PARN: variants seen among roughly 807,000 people sequenced by gnomAD.
PARN encodes the protein poly(A)-specific ribonuclease, also known as poly(A)-specific ribonuclease PARN.
Under a neutral mutation model 102.8 loss-of-function variants are expected in PARN, and 71 were observed. The observed-to-expected ratio is 0.69, with a 90% CI of 0.57 to 0.84. PARN has a LOEUF of 0.84. Ranked by LOEUF, PARN falls within the 40% of genes least tolerant of loss-of-function variation. The probability of loss-of-function intolerance (pLI) is 0.00; values close to 1 mark genes in which losing one functional copy is unlikely to be tolerated. For synonymous variants in PARN, 261 were observed against 252.9 expected (o/e 1.03, Z -0.30); for missense variants, 782 against 760.9 (o/e 1.03, Z -0.33).
chr16:14,591,504 A>G (rs1219073911), intron 13 of PARN, among the ~76,000 whole-genome samples: 1 of 152,214 alleles, frequency 6.6e-6, no homozygotes, highest in Non-Finnish European at 1.5e-5. Flanking sequence ...TTTTATTGCA[A>G]CACGGCTATG....
At chr16:14,551,735 T>C (rs1432765343) in intron 21 of PARN, among the ~76,000 whole-genome samples, 1 of 152,116 alleles carries the variant, frequency 6.6e-6, no homozygotes, top group Admixed American at 6.5e-5. Context: ...TCAAAGTAAA[T>C]CTGCAACTCA....
At chr16:14,589,181 A>AAAAT (rs55852219) in intron 13 of PARN, among the ~76,000 whole-genome samples, 24,392 of 149,644 alleles carry the variant, frequency 0.16, 2,562 homozygotes, top group Middle Eastern at 0.3. Flanking sequence ...CTCTGTCTCA[A>AAAAT]AAATAAATAA....
At chr16:14,621,928 C>CGG (rs901633734) in intron 5 of PARN, among the ~76,000 whole-genome samples, 5 of 152,112 alleles carry the variant, frequency 3.3e-5, no homozygotes, top group Non-Finnish European at 5.9e-5. Flanking sequence ...AGCAGTGTCT[C>CGG]ACGCCTGTAA....
chr16:14,583,732 C>T (rs1387089331), intron 16 of PARN, among the ~76,000 whole-genome samples: 5 of 152,144 alleles, frequency 3.3e-5, no homozygotes, highest in African/African-American at 4.8e-5. Context: ...ACTAATGGCT[C>T]GCTAATCACC....
chr16:14,609,381 T>C (rs921874940), intron 7 of PARN, among the ~76,000 whole-genome samples: 3 of 151,828 alleles, frequency 2.0e-5, no homozygotes, highest in African/African-American at 7.3e-5. Flanking sequence ...GCCTGGGCAA[T>C]ATACTGAGAG....
At chr16:14,624,554 T>A (rs1972521909) in intron 5 of PARN, among the ~76,000 whole-genome samples, 1 of 152,244 alleles carries the variant, frequency 6.6e-6, no homozygotes, top group African/African-American at 2.4e-5. Context: ...GTTTGTACAA[T>A]GGGTGAAGTT....
chr16:14,528,471 T>C (rs532281687), intron 21 of PARN, among the ~76,000 whole-genome samples: 1 of 152,328 alleles, frequency 6.6e-6, no homozygotes, highest in East Asian at 1.9e-4. Context: ...AACATGGCCC[T>C]ACCTGAGGGA....
intron 6 of PARN, among the ~76,000 whole-genome samples, chr16:14,614,020 G>C (rs1468339832): frequency 6.6e-6 from 1 of 152,148 alleles, no homozygotes; most frequent in East Asian, 1.9e-4. Flanking sequence ...TAATCCCAGA[G>C]CTTTAGGGGG....
chr16:14,489,360 G>A (rs577007587), intron 21 of PARN, among the ~76,000 whole-genome samples: 3 of 148,790 alleles, frequency 2.0e-5, no homozygotes, highest in South Asian at 2.1e-4. Flanking sequence ...CAGGAGAATC[G>A]CTTGAACATG....
chr16:14,544,860 G>A (rs959190286), intron 21 of PARN, among the ~76,000 whole-genome samples: 1 of 152,100 alleles, frequency 6.6e-6, no homozygotes, highest in Non-Finnish European at 1.5e-5. Flanking sequence ...CTCAAAAACT[G>A]ATATAACAAC....
chr16:14,478,002 T>A (rs1254305038), intron 22 of PARN, among the ~76,000 whole-genome samples: 3 of 152,022 alleles, frequency 2.0e-5, no homozygotes, highest in Admixed American at 1.3e-4. Flanking sequence ...CATTCAAGTA[T>A]CAATTAGTAT....
At position 14,534,260 on chromosome 16, in the gene PARN, A is replaced by G. The variant is rs200716928; in HGVS notation, c.1480+17761T>C. Among the ~76,000 whole-genome samples the G allele has an allele frequency of 5.3e-5, 8 of 151,860 alleles. No homozygotes were observed. In the East Asian group the frequency reaches 1.5e-3, roughly 29 times the overall value. The stretch of plus-strand genomic sequence containing the variant: ...AAAAAGGCAATACTTAAAGAATAAT[A>G]CTGCAGGTTTCAAATGAAAGCCATT... On this transcript the variant is annotated intron_variant, in intron 21 of 23. Coordinates refer to ENST00000437198, the MANE Select transcript of PARN (RefSeq NM_002582.4).
At chr16:14,618,125 C>T (rs1048825296) in intron 5 of PARN, among the ~76,000 whole-genome samples, 7 of 151,966 alleles carry the variant, frequency 4.6e-5, no homozygotes, top group Admixed American at 2.0e-4. Flanking sequence ...AGTTCGAGAC[C>T]GGCAGGTCAG....
At chr16:14,523,763 T>G (rs1287408279) in intron 21 of PARN, among the ~76,000 whole-genome samples, 1 of 152,130 alleles carries the variant, frequency 6.6e-6, no homozygotes, top group Non-Finnish European at 1.5e-5. Context: ...ATTAGGGACA[T>G]AAAGGGCTCA....
intron 18 of PARN, among the ~76,000 whole-genome samples, chr16:14,559,169 T>C (rs1967892271): frequency 6.6e-6 from 1 of 151,922 alleles, no homozygotes; most frequent in East Asian, 1.9e-4. Context: ...CCAGGAAGGA[T>C]TATACTAACA....
chr16:14,592,533 C>G (rs1970262887), intron 13 of PARN, among the ~76,000 whole-genome samples: 1 of 152,198 alleles, frequency 6.6e-6, no homozygotes, highest in South Asian at 2.1e-4. Context: ...ACCAAAGCAG[C>G]TTGTGCTTTG....
At chr16:14,538,668 T>C (rs1966719946) in intron 21 of PARN, among the ~76,000 whole-genome samples, 1 of 152,158 alleles carries the variant, frequency 6.6e-6, no homozygotes, top group Non-Finnish European at 1.5e-5. Context: ...AAAGCAAACA[T>C]TCTTAGGTCC....
chr16:14,624,214 T>G (rs1430481118), intron 5 of PARN, among the ~76,000 whole-genome samples: 1 of 152,158 alleles, frequency 6.6e-6, no homozygotes, highest in South Asian at 2.1e-4. Context: ...CTGAGAGAGA[T>G]TTTGACCCAA....
At chr16:14,578,526 C>T (rs538533717) in intron 18 of PARN, 1 of 151,606 alleles carries the variant, frequency 6.6e-6, no homozygotes, top group Non-Finnish European at 1.5e-5. Context: ...CATGGTGGCA[C>T]TTGCCTGTAA....
Sources: gnomAD v4.1 joint callset for allele counts (sites outside exome capture counted in the v4.1 genomes callset) on GRCh38, gnomAD v4.1.1 for gene constraint, MANE v1.5 for transcripts, NCBI Gene and HGNC (gene_info 2026-07-23, HGNC 2026-07-21) for gene names.